The following EDNRA variants were observed in gnomAD, a reference collection of about 807,000 sequenced individuals.
The protein encoded by EDNRA is endothelin receptor type A.
Under a neutral mutation model 41.4 loss-of-function variants are expected in EDNRA, and 11 were observed. The ratio of observed to expected loss-of-function variants is 0.27; its 90% CI spans 0.17 to 0.44. The LOEUF is 0.44. EDNRA is among the 20% of genes least tolerant of loss of function. EDNRA has a pLI of 1.00. For missense variants in EDNRA, 294 were observed against 531.0 expected (o/e 0.55, Z 4.39); for synonymous variants, 172 against 183.0 (o/e 0.94, Z 0.49).
In EDNRA at chr4:147,508,732, G is replaced by A. The variant is rs572159367; in HGVS notation, c.421-11119G>A. On this transcript the variant is annotated intron_variant, in intron 2 of 7. Coordinates refer to ENST00000651419, the MANE Select transcript of EDNRA (RefSeq NM_001957.4). ...AGACTATTCTCATTGAATTGCCTTG[G>A]ACCTTTATTAAAACTCAATTGACAA... is the stretch of plus-strand genomic sequence containing the variant. Among the ~76,000 whole-genome samples, 5 of 152,180 alleles carry A rather than the reference G, an allele frequency of 3.3e-5. No individual in the cohort carries two copies. In the South Asian group the frequency reaches 1.0e-3, roughly 32 times the overall value.
chr4:147,484,002 T>C (rs1277754545), intron 1 of EDNRA, among the ~76,000 whole-genome samples: 2 of 152,258 alleles, frequency 1.3e-5, no homozygotes, highest in South Asian at 4.1e-4. Flanking sequence ...ATTATAGACA[T>C]GAGCCACCAC....
chr4:147,504,122 T>TAGC (rs1437829373), intron 2 of EDNRA, among the ~76,000 whole-genome samples: 1 of 152,020 alleles, frequency 6.6e-6, no homozygotes, highest in Non-Finnish European at 1.5e-5. Flanking sequence ...GAAAAAACTC[T>TAGC]AGCCTCACAA....
chr4:147,525,595 C>CAAAAA (rs58331044), intron 3 of EDNRA, among the ~76,000 whole-genome samples: 38,404 of 131,026 alleles, frequency 0.29, 5,952 homozygotes, highest in African/African-American at 0.43. Flanking sequence ...TGTTTGGAGG[C>CAAAAA]AAAAAAAAAA....
chr4:147,539,961 G>C lies in EDNRA; in HGVS notation c.1034+11G>C. 3.2e-6 allele frequency: 5 copies of C among 1,574,116 alleles called. No individual in the cohort carries two copies. The highest frequency in any genetic ancestry group is 4.3e-6 in the Non-Finnish European group (5 of 1,167,470). On this transcript the variant is annotated intron_variant, in intron 6 of 7. Transcript: ENST00000651419. ...ATGTGAATTACTTAGGTATGATCCT[G>C]TGTACTCGCTAGAAAATTGGAGTTT...
At chr4:147,540,869 G>C (rs933122450) in intron 7 of EDNRA, among the ~76,000 whole-genome samples, 1 of 151,732 alleles carries the variant, frequency 6.6e-6, no homozygotes, top group Non-Finnish European at 1.5e-5. Flanking sequence ...TTAAGAAAGC[G>C]CTCACTGATC....
At chr4:147,485,537 C>A in intron 1 of EDNRA, 75 bp from the exon 2 acceptor site, 1 of 862,104 alleles carries the variant, frequency 1.2e-6, no homozygotes, top group Non-Finnish European at 1.7e-6. Flanking sequence ...TTAATTGAAT[C>A]AATAAATAAT....
chr4:147,486,872 ACTGT>A lies in EDNRA; in HGVS notation c.420+772_420+775del, dbSNP rs1449311692. Among the ~76,000 whole-genome samples the A allele has an allele frequency of 4.6e-5, 7 of 151,182 alleles. No homozygotes were observed. Among genetic ancestry groups the A allele is most frequent in the African/African-American group, 1.7e-4 (7 of 40,900 alleles). ...GGAAGATAACTAACCTTGCTTACAG[ACTGT>A]ATTAGGCCATTTCTACATTGCTATT... On this transcript the variant is annotated intron_variant, in intron 2 of 7. Transcript: ENST00000651419. The surrounding 1 kb of genome is among the most constrained non-coding windows in gnomAD (Gnocchi z 4.3).
chr4:147,504,358 C>CA (rs936579386), intron 2 of EDNRA, among the ~76,000 whole-genome samples: 3 of 152,170 alleles, frequency 2.0e-5, no homozygotes, highest in Non-Finnish European at 4.4e-5. Flanking sequence ...GGTTTTGCAA[C>CA]ATCAGATATT....
chr4:147,491,734 C>T (rs1287616332), intron 2 of EDNRA: 1 of 152,190 alleles, frequency 6.6e-6, no homozygotes, highest in Non-Finnish European at 1.5e-5. Flanking sequence ...ACCGCATCAT[C>T]AAGCAAATAA....
intron 2 of EDNRA, among the ~76,000 whole-genome samples, chr4:147,507,168 G>T (rs984849175): frequency 1.3e-5 from 2 of 151,320 alleles, no homozygotes; most frequent in Admixed American, 6.6e-5. Context: ...GTCAACTACA[G>T]AAATTCTTAA....
intron 2 of EDNRA, chr4:147,487,959 G>C (rs1729002641): frequency 6.6e-6 from 1 of 152,116 alleles, no homozygotes; most frequent in Non-Finnish European, 1.5e-5. Flanking sequence ...GATATACTAT[G>C]TGCACACAAC....
At chr4:147,515,075 A>G (rs1730067757) in intron 2 of EDNRA, among the ~76,000 whole-genome samples, 1 of 152,352 alleles carries the variant, frequency 6.6e-6, no homozygotes, top group East Asian at 1.9e-4. Context: ...CTCCACAGCA[A>G]CTATTCACAA....
At chr4:147,524,630 T>G (rs1291669189) in intron 3 of EDNRA, among the ~76,000 whole-genome samples, 1 of 151,406 alleles carries the variant, frequency 6.6e-6, no homozygotes, top group African/African-American at 2.4e-5. Flanking sequence ...ATTTTAAAAT[T>G]CCACTCTCAC....
intron 3 of EDNRA, among the ~76,000 whole-genome samples, chr4:147,530,739 C>G (rs1468808871): frequency 6.6e-6 from 1 of 151,882 alleles, no homozygotes; most frequent in East Asian, 1.9e-4. Context: ...TGTACTGAGA[C>G]AGTACACTAA....
In EDNRA at chr4:147,481,230, C is replaced by T. The variant is rs199799336; in HGVS notation, c.-217C>T. 2.6e-5 allele frequency: 4 copies of T among 152,846 alleles called. No homozygotes were observed. Among genetic ancestry groups the T allele is most frequent in the Non-Finnish European group, 5.9e-5 (4 of 68,222 alleles). The allele number at this position is 152,846 out of a possible 1,614,324, so 9.5% of individuals were successfully genotyped here. A position where few individuals can be genotyped will look rare whatever the true frequency, so the allele number is the denominator to read the frequency against. On this transcript the variant is annotated 5_prime_UTR_variant, in exon 1 of 8. Transcript: ENST00000651419. ...CAGTGCCCAGGAGGTTTTCTGAAGC[C>T]GGGGAAGCTGTGCAGCCGAAGCCGC... is the stretch of plus-strand genomic sequence containing the variant.
At chr4:147,539,773 A>G (rs1286691754) in intron 5 of EDNRA, 44 bp from the exon 6 acceptor site, 1 of 1,591,680 alleles carries the variant, frequency 6.3e-7, no homozygotes, top group South Asian at 1.2e-5. Flanking sequence ...TCTAGTATAA[A>G]AACACTAAAT....
chr4:147,539,898 T>A lies in EDNRA; in HGVS notation c.982T>A (p.Leu328Met). 2.5e-6 allele frequency: 4 copies of A among 1,613,696 alleles called. No individual in the cohort carries two copies. Among genetic ancestry groups the A allele is most frequent in the Non-Finnish European group, 3.4e-6 (4 of 1,179,936 alleles). ...GTTCCCTCTTCATTTAAGCCGTATA[T>A]TGAAGAAAACTGTGTATAACGAGAT... is the stretch of plus-strand genomic sequence containing the variant. ...CWFPLHLSRI[L>M]KKTVYNEMDK... Residue 328 changes from leucine to methionine, a missense_variant, in exon 6 of 8, where the codon TTG becomes ATG. Leu to Met is a conservative substitution (Grantham distance 15, BLOSUM62 2). This residue lies in a region of EDNRA where 185 missense variants were observed against 390.8 expected (regional missense o/e 0.47). Coordinates refer to ENST00000651419, the MANE Select transcript of EDNRA (RefSeq NM_001957.4).
Position 147,519,748 on chromosome 4 carries a change from T to C in EDNRA, c.421-103T>C, listed in dbSNP as rs905047458. The C allele has an allele frequency of 1.4e-6, 2 of 1,383,492 alleles. No homozygotes were observed. Among genetic ancestry groups the C allele is most frequent in the Non-Finnish European group, 2.0e-6 (2 of 1,025,406 alleles). 85.7% of individuals were successfully genotyped at this position (1,383,492 alleles called of 1,614,324 possible). Reference sequence around the variant, plus strand: ...TGCTACAGTGCTAACTGAAAAGCACTGTGAATAAAATTTAGAAGTTGGGAC... The same window carrying C: ...TGCTACAGTGCTAACTGAAAAGCACCGTGAATAAAATTTAGAAGTTGGGAC... On this transcript the variant is annotated intron_variant, in intron 2 of 7. Transcript: ENST00000651419. The surrounding 1 kb of genome is among the most constrained non-coding windows in gnomAD (Gnocchi z 4.1).
intron 3 of EDNRA, 77 bp downstream of exon 3, chr4:147,520,055 A>C (rs1730264774): frequency 5.9e-6 from 9 of 1,528,374 alleles, no homozygotes; most frequent in Non-Finnish European, 8.0e-6. Context: ...AAGTCAAGAG[A>C]ATTCGTGCCC....
Sources: allele counts gnomAD v4.1 joint callset (sites outside exome capture counted in the v4.1 genomes callset), GRCh38; gene constraint gnomAD v4.1.1; regional missense constraint gnomAD v4.1.1; non-coding constraint Gnocchi (gnomAD v3.1); transcripts MANE v1.5; gene names NCBI Gene and HGNC (gene_info 2026-07-23, HGNC 2026-07-21).